The following WDR59 variants were observed in gnomAD, a reference collection of about 807,000 sequenced individuals.
The protein encoded by WDR59 is GATOR2 complex protein WDR59.
WDR59 carries 100 observed loss-of-function variants against 131.2 expected under a neutral mutation model. The observed-to-expected ratio is 0.76, with a 90% CI of 0.65 to 0.90. The LOEUF (loss-of-function observed/expected upper bound fraction) is 0.90. Ranked by LOEUF, WDR59 falls within the 40% of genes least tolerant of loss-of-function variation. WDR59 has a pLI of 0.00. For synonymous variants in WDR59, 601 were observed against 466.2 expected (o/e 1.29, Z -3.72); for missense variants, 1,203 against 1,262.2 (o/e 0.95, Z 0.71).
chr16:74,920,188 C>A (rs371790938), intron 10 of WDR59, among the ~76,000 whole-genome samples: 1 of 151,772 alleles, frequency 6.6e-6, no homozygotes, highest in Admixed American at 6.6e-5. Flanking sequence ...GTTCAACTTA[C>A]AATTTTTTGA....
chr16:74,880,060 GCCTT>G (rs995832151), intron 25 of WDR59, among the ~76,000 whole-genome samples: 3 of 152,254 alleles, frequency 2.0e-5, no homozygotes, highest in African/African-American at 7.2e-5. Context: ...AAAAGAAGCT[GCCTT>G]CCTCCTTATC....
chr16:74,883,434 A>G (rs1439937478), intron 25 of WDR59, among the ~76,000 whole-genome samples: 1 of 152,292 alleles, frequency 6.6e-6, no homozygotes, highest in East Asian at 1.9e-4. Context: ...CAGCTTTATC[A>G]TGCCCTGCAA....
intron 25 of WDR59, among the ~76,000 whole-genome samples, chr16:74,875,577 C>T (rs1320962949): frequency 6.6e-6 from 1 of 152,204 alleles, no homozygotes; most frequent in African/African-American, 2.4e-5. Flanking sequence ...ACCACTAACC[C>T]AGTGCCCACC....
Position 74,922,003 on chromosome 16 carries a change from G to A in WDR59, c.830C>T (p.Thr277Ile), listed in dbSNP as rs2030283499. 1 of 1,614,202 alleles carries A rather than the reference G, an allele frequency of 6.2e-7. No homozygotes were observed. Among genetic ancestry groups the A allele is most frequent in the Admixed American group, 1.7e-5 (1 of 60,022 alleles). The change falls in exon 10 of 26, where the codon ACC becomes ATC. Residue 277 changes from threonine to isoleucine, a missense_variant. Coordinates refer to ENST00000262144, the MANE Select transcript of WDR59 (RefSeq NM_030581.4). ...GACCACATCATCATGCCCCACGAAGGTGTGGACTGGGGTGTTCAAGTCAAA... is the reference window on the plus strand; with the variant it reads ...GACCACATCATCATGCCCCACGAAGATGTGGACTGGGGTGTTCAAGTCAAA... Reference protein sequence around the residue: ...NVFDLNTPVHTFVGHDDVVLE... With the variant: ...NVFDLNTPVHIFVGHDDVVLE...
Position 74,938,220 on chromosome 16 carries a change from AT to A in WDR59, c.580del (p.Ile194SerfsTer23). 6.4e-7 allele frequency: 1 copy of A among 1,566,884 alleles called. No individual in the cohort carries two copies. The highest frequency in any genetic ancestry group is 8.7e-7 in the Non-Finnish European group (1 of 1,155,566). ...VEYLAAHLSKIHGLDWHPDSE... is the reference protein window; with the variant it reads ...VEYLAAHLSKXHGLDWHPDSE... ...GTCTGGGTGCCAGTCCAGGCCATGG[AT>A]TTTGGAGAGGTGGGCGGCTAGATAT... On this transcript the variant is annotated frameshift_variant, in exon 8 of 26. Transcript: ENST00000262144. LOFTEE classifies it high-confidence loss of function.
chr16:74,891,345 G>A (rs983060442), intron 20 of WDR59, among the ~76,000 whole-genome samples: 2 of 152,078 alleles, frequency 1.3e-5, no homozygotes, highest in African/African-American at 2.4e-5. Flanking sequence ...ATTAAATCAC[G>A]TGGCACCAAC....
At chr16:74,982,846 C>T (rs11862463) in intron 1 of WDR59, among the ~76,000 whole-genome samples, 11,597 of 152,168 alleles carry the variant, frequency 0.076, 588 homozygotes, top group African/African-American at 0.14. Flanking sequence ...CCTCCACTCA[C>T]TCATTCTCCG....
Position 74,970,884 on chromosome 16 carries a change from CT to C in WDR59, c.55-5063del, listed in dbSNP as rs201564936. On this transcript the variant is annotated intron_variant, in intron 1 of 25. Transcript: ENST00000262144. ...CCTGGACAACATGATTAAACCACAC[CT>C]TTTAAAAAAAAAAAAAATTAGCCAG... 2.0e-3 allele frequency among the ~76,000 whole-genome samples: 297 copies of C among 150,014 alleles called. 1 individual carries two copies. Among genetic ancestry groups the C allele is most frequent in the African/African-American group, 6.7e-3 (269 of 40,180 alleles).
At chr16:74,968,186 T>A (rs2033848928) in intron 1 of WDR59, among the ~76,000 whole-genome samples, 1 of 152,080 alleles carries the variant, frequency 6.6e-6, no homozygotes, top group Non-Finnish European at 1.5e-5. Flanking sequence ...TTTGGGATGA[T>A]GAAAATTTAG....
chr16:74,948,790 T>A (rs1384523044), intron 5 of WDR59, among the ~76,000 whole-genome samples: 6 of 151,940 alleles, frequency 3.9e-5, no homozygotes, highest in African/African-American at 1.2e-4. Flanking sequence ...TCACCCGAGG[T>A]CAGAGTTCGA....
intron 10 of WDR59, among the ~76,000 whole-genome samples, chr16:74,919,812 T>G (rs1252518556): frequency 1.3e-5 from 2 of 152,188 alleles, no homozygotes; most frequent in Non-Finnish European, 2.9e-5. Context: ...CCTACCTCTT[T>G]GAGAAATCCT....
In WDR59 at chr16:74,874,106, C is replaced by T. The variant is rs1964086626; in HGVS notation, c.*103G>A. The T allele has an allele frequency of 3.0e-6, 3 of 990,898 alleles. No homozygotes were observed. The highest frequency in any genetic ancestry group is 2.3e-5 in the Admixed American group (1 of 43,982). 61.4% of individuals were successfully genotyped at this position (990,898 alleles called of 1,614,324 possible). A position where few individuals can be genotyped will look rare whatever the true frequency, so the allele number is the denominator to read the frequency against. On this transcript the variant is annotated 3_prime_UTR_variant, in exon 26 of 26. Transcript: ENST00000262144. ...CTTGGGGGATCATCCTCCGGTCTCA[C>T]TGGGGACGAACCCAGGTTCTGGAGC... is the stretch of plus-strand genomic sequence containing the variant.
chr16:74,916,285 T>C (rs1005480139), intron 11 of WDR59, 26 bp from the exon 12 acceptor site: 4 of 1,612,684 alleles, frequency 2.5e-6, no homozygotes, highest in South Asian at 2.2e-5. Flanking sequence ...GAAGATGTAG[T>C]TCTAGAGAAG....
chr16:74,925,379 A>C (rs192949809), intron 8 of WDR59, among the ~76,000 whole-genome samples: 1 of 152,034 alleles, frequency 6.6e-6, no homozygotes, highest in Non-Finnish European at 1.5e-5. Flanking sequence ...CCCCATCTCT[A>C]CCAAAAATAC....
rs1964013187 is a variant in WDR59, at chr16:74,871,616, C to G, written c.*2593G>C. 6.6e-6 allele frequency: 1 copy of G among 152,218 alleles called. No homozygotes were observed. Among genetic ancestry groups the G allele is most frequent in the Non-Finnish European group, 1.5e-5 (1 of 68,042 alleles). 9.4% of individuals were successfully genotyped at this position (152,218 alleles called of 1,614,324 possible). The stretch of plus-strand genomic sequence containing the variant: ...TCCAACAATAAAACAAGAAAAACAT[C>G]TCATTCTTGATGGGGACAGATAGGG... On this transcript the variant is annotated 3_prime_UTR_variant, in exon 26 of 26. Transcript: ENST00000262144.
chr16:74,971,840 C>G (rs1445754493), intron 1 of WDR59, among the ~76,000 whole-genome samples: 1 of 152,152 alleles, frequency 6.6e-6, no homozygotes, highest in Non-Finnish European at 1.5e-5. Context: ...TCCCAAGTAA[C>G]TGGGACTACA....
chr16:74,984,641 T>C, intron 1 of WDR59: 1 of 364,288 alleles, frequency 2.7e-6, no homozygotes. Flanking sequence ...CGGGAAGCCG[T>C]CACGCCCTCG....
intron 1 of WDR59, among the ~76,000 whole-genome samples, chr16:74,971,602 T>G (rs915587401): frequency 6.6e-6 from 1 of 151,878 alleles, no homozygotes; most frequent in Non-Finnish European, 1.5e-5. Context: ...CTGGCTGTTT[T>G]TTGTATTTTT....
chr16:74,937,120 G>A (rs1029473211), intron 8 of WDR59, among the ~76,000 whole-genome samples: 1 of 152,124 alleles, frequency 6.6e-6, no homozygotes, highest in Non-Finnish European at 1.5e-5. Flanking sequence ...CCACAAGGAG[G>A]AACTACTGGA....
Sources: gnomAD v4.1 joint callset for allele counts (sites outside exome capture counted in the v4.1 genomes callset) on GRCh38, gnomAD v4.1.1 for gene constraint, MANE v1.5 for transcripts, NCBI Gene and HGNC (gene_info 2026-07-23, HGNC 2026-07-21) for gene names.